LIMCH1: variants seen among roughly 807,000 people sequenced by gnomAD.
LIMCH1 encodes the protein LIM and calponin homology domains 1.
A neutral mutation model predicts 176.5 loss-of-function variants in LIMCH1; 113 were observed. The ratio of observed to expected loss-of-function variants is 0.64; its 90% CI spans 0.55 to 0.75. LIMCH1 has a LOEUF of 0.75. LIMCH1 is among the 30% of genes least tolerant of loss of function. LIMCH1 has a pLI of 0.00. For missense variants in LIMCH1, 1,674 were observed against 1,814.9 expected, an observed-to-expected ratio of 0.92 and a Z score of 1.41; for synonymous variants, 619 against 645.9, an observed-to-expected ratio of 0.96 and a Z score of 0.63.
chr4:41,682,611 G>T, intron 26 of LIMCH1, 151 bp downstream of exon 26: 5 of 591,312 alleles, frequency 8.5e-6, no homozygotes, highest in Admixed American at 3.8e-5. Context: ...GACATATTTT[G>T]TAATAGGTCT....
At chr4:41,549,075 A>G (rs2080011962) in intron 1 of LIMCH1, among the ~76,000 whole-genome samples, 1 of 150,410 alleles carries the variant, frequency 6.6e-6, no homozygotes, top group South Asian at 2.1e-4. Context: ...TTTTTTAAAG[A>G]CACTTGGTCT....
At chr4:41,660,458 C>A (rs2094582014) in intron 18 of LIMCH1, among the ~76,000 whole-genome samples, 1 of 152,114 alleles carries the variant, frequency 6.6e-6, no homozygotes, top group Non-Finnish European at 1.5e-5. Flanking sequence ...ACAGAGACTT[C>A]TTAGTGGAGA....
intron 1 of LIMCH1, among the ~76,000 whole-genome samples, chr4:41,382,750 T>A (rs1199183236): frequency 6.6e-6 from 1 of 152,226 alleles, no homozygotes; most frequent in Non-Finnish European, 1.5e-5. Flanking sequence ...GAAGTCTTTT[T>A]GGTAGTCTTC....
intron 3 of LIMCH1, among the ~76,000 whole-genome samples, chr4:41,526,622 C>T (rs1037334738): frequency 1.5e-4 from 23 of 152,160 alleles, no homozygotes; most frequent in African/African-American, 5.6e-4. Context: ...ATGACTTCAG[C>T]TCTCCATGAT....
intron 1 of LIMCH1, among the ~76,000 whole-genome samples, chr4:41,544,229 A>G (rs992829227): frequency 1.3e-5 from 2 of 152,204 alleles, no homozygotes; most frequent in Non-Finnish European, 2.9e-5. Context: ...GAGCTGTTGA[A>G]AGAGTTTAAA....
rs1322106706 is a variant in LIMCH1 at position 41,366,041 on chromosome 4, G to A, written c.96+5105G>A. On this transcript the variant is annotated intron_variant, in intron 1 of 26. Coordinates refer to the LIMCH1 transcript ENST00000313860. The stretch of plus-strand genomic sequence containing the variant: ...GTTGGCCTTGATTCTGTGAGTGGCA[G>A]TCAGTGCTAGGTGGGACTAGGCAGC... Among the ~76,000 whole-genome samples the A allele has an allele frequency of 2.0e-5, 3 of 152,256 alleles. No homozygotes were observed. The East Asian group carries it at 5.8e-4, about 29-fold the overall frequency.
chr4:41,661,579 A>G (rs2094621307), intron 19 of LIMCH1, 69 bp downstream of exon 19: 1 of 1,167,010 alleles, frequency 8.6e-7, no homozygotes, highest in South Asian at 1.3e-5. Context: ...GGAAATAGTC[A>G]AGAATTTTTC....
chr4:41,511,043 G>T (rs1047839849), intron 2 of LIMCH1, among the ~76,000 whole-genome samples: 10 of 152,282 alleles, frequency 6.6e-5, no homozygotes, highest in Non-Finnish European at 1.5e-4. Context: ...GACTCTGCTG[G>T]GAGGCTAACA....
intron 1 of LIMCH1, among the ~76,000 whole-genome samples, chr4:41,408,018 G>A (rs2059141762): frequency 6.6e-6 from 1 of 152,176 alleles, no homozygotes; most frequent in African/African-American, 2.4e-5. Context: ...GTTCCATATA[G>A]AATATGAAAC....
chr4:41,396,540 T>TTTTG (rs145986081), intron 1 of LIMCH1, among the ~76,000 whole-genome samples: 1 of 152,080 alleles, frequency 6.6e-6, no homozygotes, highest in Non-Finnish European at 1.5e-5. Context: ...TTTTGTTTTC[T>TTTTG]TTTGTTTGTT....
chr4:41,411,837 A>G (rs2059511739), intron 1 of LIMCH1, among the ~76,000 whole-genome samples: 1 of 151,798 alleles, frequency 6.6e-6, no homozygotes, highest in Admixed American at 6.6e-5. Flanking sequence ...AGGTGCCTGT[A>G]ATCCCAGCTA....
At chr4:41,498,888 T>A (rs7679701) in intron 2 of LIMCH1, among the ~76,000 whole-genome samples, 6,073 of 152,094 alleles carry the variant, frequency 0.04, 394 homozygotes, top group African/African-American at 0.14. Flanking sequence ...TTTTTTTTTT[T>A]AACTGGCCTT....
chr4:41,446,906 C>A (rs1172651482), intron 1 of LIMCH1, among the ~76,000 whole-genome samples: 1 of 152,104 alleles, frequency 6.6e-6, no homozygotes, highest in African/African-American at 2.4e-5. Context: ...GTCGTGGAGA[C>A]ATTAGAGACA....
At chr4:41,399,685 C>CTTTTTTTTTTTTTTTTTTT (rs56174007) in intron 1 of LIMCH1, among the ~76,000 whole-genome samples, 3 of 95,786 alleles carry the variant, frequency 3.1e-5, no homozygotes, top group East Asian at 3.2e-4. Context: ...GGTGGATACT[C>CTTTTTTTTTTTTTTTTTTT]TTTTTTTTTT....
intron 31 of LIMCH1, chr4:41,692,813 A>G (rs571165368): frequency 2.4e-4 from 38 of 159,916 alleles, no homozygotes; most frequent in Middle Eastern, 3.2e-3. Context: ...CACGCCCTAC[A>G]TTCAGGAGTT....
At chr4:41,471,403 C>G (rs1216647975) in intron 1 of LIMCH1, among the ~76,000 whole-genome samples, 1 of 152,280 alleles carries the variant, frequency 6.6e-6, no homozygotes, top group Non-Finnish European at 1.5e-5. Context: ...TATTTCAAAG[C>G]AAGGACTTGA....
intron 2 of LIMCH1, among the ~76,000 whole-genome samples, chr4:41,502,614 C>T (rs1447251038): frequency 4.6e-5 from 7 of 152,098 alleles, no homozygotes; most frequent in African/African-American, 1.7e-4. Context: ...TGGCGTGAGA[C>T]GATATCTCAT....
At chr4:41,607,334 C>T (rs1040971778) in intron 4 of LIMCH1, among the ~76,000 whole-genome samples, 1 of 152,206 alleles carries the variant, frequency 6.6e-6, no homozygotes, top group African/African-American at 2.4e-5. Context: ...CAGTCTGGCT[C>T]ATGTATTTAT....
chr4:41,565,424 A>G (rs1297357166), intron 1 of LIMCH1, among the ~76,000 whole-genome samples: 1 of 148,926 alleles, frequency 6.7e-6, no homozygotes, highest in Non-Finnish European at 1.5e-5. Flanking sequence ...CATATATATG[A>G]TAAATTAAAT....
Sources: gnomAD v4.1 joint callset for allele counts (sites outside exome capture counted in the v4.1 genomes callset) on GRCh38, gnomAD v4.1.1 for gene constraint, MANE v1.5 for transcripts, NCBI Gene and HGNC (gene_info 2026-07-23, HGNC 2026-07-21) for gene names.